The following TNFRSF19 variants were observed in gnomAD, a reference collection of about 807,000 sequenced individuals.
The protein encoded by TNFRSF19 is tumor necrosis factor receptor superfamily member 19.
A neutral mutation model predicts 46.4 loss-of-function variants in TNFRSF19; 27 were observed. The observed-to-expected ratio is 0.58, with a 90% CI of 0.43 to 0.80. The LOEUF (loss-of-function observed/expected upper bound fraction) is 0.80, where lower values mean the gene tolerates loss of function less well. TNFRSF19 is among the 30% of genes least tolerant of loss of function. The pLI is 0.00. For synonymous variants in TNFRSF19, 204 were observed against 205.0 expected (o/e 1.00, Z 0.04); for missense variants, 511 against 530.8 (o/e 0.96, Z 0.37).
At chr13:23,649,105 G>A (rs1318831279) in intron 5 of TNFRSF19, among the ~76,000 whole-genome samples, 2 of 152,128 alleles carry the variant, frequency 1.3e-5, no homozygotes, top group East Asian at 1.9e-4. Flanking sequence ...AGTTAAAAGT[G>A]TTCTCCCCTC....
chr13:23,577,351 A>G (rs1207140588), intron 1 of TNFRSF19, among the ~76,000 whole-genome samples: 1 of 152,240 alleles, frequency 6.6e-6, no homozygotes, highest in South Asian at 2.1e-4. Context: ...GAAGAAGAAC[A>G]TTTGGTTGAA....
At chr13:23,590,602 C>T (rs534009161) in intron 2 of TNFRSF19, among the ~76,000 whole-genome samples, 149 of 152,086 alleles carry the variant, frequency 9.8e-4, no homozygotes, top group African/African-American at 3.3e-3. Flanking sequence ...CCCAAAGTGC[C>T]GGGATTACAG....
At chr13:23,619,532 A>G (rs1209412597) in intron 4 of TNFRSF19, among the ~76,000 whole-genome samples, 1 of 152,216 alleles carries the variant, frequency 6.6e-6, no homozygotes, top group African/African-American at 2.4e-5. Flanking sequence ...TGTGTGGTAT[A>G]TAAAGTATAA....
chr13:23,663,312 C>T (rs924647489), intron 7 of TNFRSF19, among the ~76,000 whole-genome samples: 4 of 152,040 alleles, frequency 2.6e-5, no homozygotes, highest in Admixed American at 6.6e-5. Context: ...TGTGATGAAT[C>T]GCCTTTATTG....
chr13:23,667,068 TTG>T (rs140913976), intron 7 of TNFRSF19, among the ~76,000 whole-genome samples: 38 of 149,746 alleles, frequency 2.5e-4, no homozygotes, highest in African/African-American at 5.6e-4. Context: ...GTGTGTGTCT[TTG>T]TGTGTGTGTG....
At chr13:23,600,270 C>G (rs913067096) in intron 3 of TNFRSF19, among the ~76,000 whole-genome samples, 3 of 152,164 alleles carry the variant, frequency 2.0e-5, no homozygotes, top group Non-Finnish European at 4.4e-5. Context: ...GTCCGCAGCT[C>G]TTAGATCTGC....
intron 4 of TNFRSF19, among the ~76,000 whole-genome samples, chr13:23,624,234 G>T (rs1027300152): frequency 1.3e-4 from 20 of 151,752 alleles, no homozygotes; most frequent in Non-Finnish European, 1.2e-4. Flanking sequence ...TATTCCACTG[G>T]TCTAGTTGTC....
At chr13:23,602,228 C>T (rs1333407284) in intron 3 of TNFRSF19, among the ~76,000 whole-genome samples, 1 of 152,124 alleles carries the variant, frequency 6.6e-6, no homozygotes, top group Admixed American at 6.5e-5. Flanking sequence ...ATATTAATTT[C>T]AGACAGAGCA....
At chr13:23,627,126 C>A (rs560364427) in intron 5 of TNFRSF19, among the ~76,000 whole-genome samples, 1 of 152,138 alleles carries the variant, frequency 6.6e-6, no homozygotes, top group African/African-American at 2.4e-5. Flanking sequence ...CTTAGGTCTT[C>A]GTGCCCTGGC....
chr13:23,646,365 A>G (rs1566208954), intron 5 of TNFRSF19, among the ~76,000 whole-genome samples: 1 of 152,188 alleles, frequency 6.6e-6, no homozygotes, highest in Non-Finnish European at 1.5e-5. Context: ...TTGTGCAGCC[A>G]TCACCACTAA....
chr13:23,652,468 T>C (rs982515953), intron 5 of TNFRSF19, among the ~76,000 whole-genome samples: 1 of 152,290 alleles, frequency 6.6e-6, no homozygotes. Context: ...ATAAGATCCT[T>C]CTGTGATGAC....
chr13:23,636,497 C>T (rs1304794692), intron 5 of TNFRSF19, among the ~76,000 whole-genome samples: 2 of 152,092 alleles, frequency 1.3e-5, no homozygotes, highest in Non-Finnish European at 2.9e-5. Context: ...CTAAGATATC[C>T]GTATCACTGA....
intron 1 of TNFRSF19, among the ~76,000 whole-genome samples, chr13:23,584,047 T>TTTG (rs896493848): frequency 7.2e-5 from 11 of 152,200 alleles, no homozygotes; most frequent in Admixed American, 3.9e-4. Context: ...TAGGTTATTT[T>TTTG]TTGTTGTTGT....
At chr13:23,635,943 C>G (rs1448101318) in intron 5 of TNFRSF19, among the ~76,000 whole-genome samples, 12 of 152,072 alleles carry the variant, frequency 7.9e-5, no homozygotes, top group Admixed American at 7.9e-4. Flanking sequence ...GGATGTATAA[C>G]TTATGTAATC....
chr13:23,655,297 T>C (rs1883910115), intron 5 of TNFRSF19, among the ~76,000 whole-genome samples: 2 of 152,344 alleles, frequency 1.3e-5, no homozygotes, highest in African/African-American at 2.4e-5. Context: ...TGAACCCATG[T>C]AATGTAGGTA....
intron 4 of TNFRSF19, among the ~76,000 whole-genome samples, chr13:23,620,999 A>T (rs1377199971): frequency 6.6e-6 from 1 of 152,184 alleles, no homozygotes; most frequent in Non-Finnish European, 1.5e-5. Context: ...CTTGTAAATG[A>T]AAGGACTGGA....
At position 23,585,941 on chromosome 13, in the gene TNFRSF19, G is replaced by A. The variant is rs940509435; in HGVS notation, c.-34-4209G>A. Among the ~76,000 whole-genome samples, 48 of 152,160 alleles carry A rather than the reference G, an allele frequency of 3.2e-4. 1 individual carries two copies. The highest frequency in any genetic ancestry group is 6.5e-4 in the Non-Finnish European group (44 of 68,026). On this transcript the variant is annotated intron_variant, in intron 1 of 9. Coordinates refer to ENST00000248484, the MANE Select transcript of TNFRSF19 (RefSeq NM_148957.4). ...ACATTTTTCATTTTTAATACTGAAA[G>A]CAAATTTTAAAGATTTAAGTGCTGC...
At chr13:23,616,728 A>G (rs988135806) in intron 4 of TNFRSF19, among the ~76,000 whole-genome samples, 1 of 151,912 alleles carries the variant, frequency 6.6e-6, no homozygotes, top group Non-Finnish European at 1.5e-5. Flanking sequence ...GATTACAGGC[A>G]TGCGCCACCA....
intron 3 of TNFRSF19, among the ~76,000 whole-genome samples, chr13:23,607,757 GA>G (rs1410302660): frequency 6.6e-6 from 1 of 152,038 alleles, no homozygotes; most frequent in Non-Finnish European, 1.5e-5. Flanking sequence ...TAAAACTTCT[GA>G]CATTTTCTGT....
Sources: gnomAD v4.1 joint callset for allele counts (sites outside exome capture counted in the v4.1 genomes callset) on GRCh38, gnomAD v4.1.1 for gene constraint, MANE v1.5 for transcripts, NCBI Gene and HGNC (gene_info 2026-07-23, HGNC 2026-07-21) for gene names.